The following PPP2R5C variants were observed in gnomAD, a reference collection of about 807,000 sequenced individuals.
PPP2R5C encodes the protein serine/threonine-protein phosphatase 2A 56 kDa regulatory subunit gamma isoform.
Under a neutral mutation model 68.9 loss-of-function variants are expected in PPP2R5C, and 7 were observed. That is an observed-to-expected ratio of 0.10 (90% CI 0.06 to 0.19). The LOEUF is 0.19. Among genes scored for constraint, PPP2R5C ranks in the 10% least tolerant of loss-of-function variants. PPP2R5C has a pLI of 1.00. For synonymous variants in PPP2R5C, 210 were observed against 222.2 expected, an observed-to-expected ratio of 0.95 and a Z score of 0.49; for missense variants, 348 against 641.3, an observed-to-expected ratio of 0.54 and a Z score of 4.94.
At position 101,764,001 on chromosome 14, in the gene PPP2R5C, CATT is replaced by C. The variant is rs564897016; in HGVS notation, c.93+1032_93+1034del. ...AGTTTTGGTATTTTATTATTGTTCACATTGTGTGTGTGTGTGTGTGTGTGTGTG... is the reference window on the plus strand; with the variant it reads ...AGTTTTGGTATTTTATTATTGTTCACGTGTGTGTGTGTGTGTGTGTGTGTG... On this transcript the variant is annotated intron_variant, in intron 2 of 14. Coordinates refer to the PPP2R5C transcript ENST00000328724. Among the ~76,000 whole-genome samples, 195 of 145,172 alleles carry C rather than the reference CATT, an allele frequency of 1.3e-3. 1 individual carries two copies. Among genetic ancestry groups the C allele is most frequent in the Non-Finnish European group, 2.0e-3 (135 of 66,410 alleles).
At chr14:101,767,780 G>C (rs2036934434) in intron 2 of PPP2R5C, among the ~76,000 whole-genome samples, 1 of 152,174 alleles carries the variant, frequency 6.6e-6, no homozygotes, top group African/African-American at 2.4e-5. Flanking sequence ...AGGTTCTGCG[G>C]GGAGGATCCA....
At chr14:101,784,516 G>A (rs982422484) in intron 2 of PPP2R5C, among the ~76,000 whole-genome samples, 1 of 149,528 alleles carries the variant, frequency 6.7e-6, no homozygotes, top group Non-Finnish European at 1.5e-5. Flanking sequence ...AAAGTGGGGG[G>A]GGGGAACTGC....
chr14:101,892,944 T>C (rs919067344), intron 6 of PPP2R5C, 56 bp from the exon 9 acceptor site: 1 of 1,312,922 alleles, frequency 7.6e-7, no homozygotes, highest in East Asian at 2.4e-5. Context: ...GGCAAGATAT[T>C]TGTTTAAAAC....
chr14:101,828,062 T>C (rs1209230534), intron 1 of PPP2R5C, among the ~76,000 whole-genome samples: 1 of 152,216 alleles, frequency 6.6e-6, no homozygotes, highest in Non-Finnish European at 1.5e-5. Context: ...ACTCTACAAT[T>C]TCAGTTTAGA....
At chr14:101,869,969 C>A (rs891614560) in intron 2 of PPP2R5C, among the ~76,000 whole-genome samples, 4 of 150,176 alleles carry the variant, frequency 2.7e-5, no homozygotes, top group Admixed American at 2.0e-4. Context: ...TTTTTCCCTG[C>A]GCTTTTTGTC....
chr14:101,882,144 G>A lies in PPP2R5C; in HGVS notation c.295-17G>A, dbSNP rs2140893736. On this transcript the variant is annotated splice_polypyrimidine_tract_variant and intron_variant, in intron 2 of 13. Transcript: ENST00000334743. The surrounding 1 kb of genome is among the most constrained non-coding windows in gnomAD (Gnocchi z 4.9). Reference sequence around the variant, plus strand: ...TTTAAATGCCCTGATTGTAATTATAGAATATGTGGATTTTAGTTTGCAGTT... The same window carrying A: ...TTTAAATGCCCTGATTGTAATTATAAAATATGTGGATTTTAGTTTGCAGTT... The A allele has an allele frequency of 6.5e-7, 1 of 1,547,804 alleles. No homozygotes were observed. Among genetic ancestry groups the A allele is most frequent in the East Asian group, 2.3e-5 (1 of 44,094 alleles).
At chr14:101,842,873 C>T (rs971685645) in intron 1 of PPP2R5C, among the ~76,000 whole-genome samples, 1 of 150,294 alleles carries the variant, frequency 6.7e-6, no homozygotes, top group African/African-American at 2.5e-5. Flanking sequence ...ATCATACTTA[C>T]TTAAAACCAT....
chr14:101,811,458 A>G (rs1203309596), intron 1 of PPP2R5C, among the ~76,000 whole-genome samples: 1 of 152,064 alleles, frequency 6.6e-6, no homozygotes, highest in East Asian at 1.9e-4. Context: ...CTCCCACCTC[A>G]GTTTCTTGAG....
intron 2 of PPP2R5C, chr14:101,767,194 A>G (rs2036903850): frequency 6.6e-6 from 1 of 152,120 alleles, no homozygotes; most frequent in Non-Finnish European, 1.5e-5. Context: ...TCCTGTTATA[A>G]TCTGTCCCTT....
chr14:101,830,087 C>T (rs1253190189), intron 1 of PPP2R5C, among the ~76,000 whole-genome samples: 1 of 152,094 alleles, frequency 6.6e-6, no homozygotes, highest in Non-Finnish European at 1.5e-5. Flanking sequence ...TGTACAATAC[C>T]ATTTTGTAAA....
chr14:101,778,426 G>T (rs567898314), intron 2 of PPP2R5C, among the ~76,000 whole-genome samples: 31 of 152,188 alleles, frequency 2.0e-4, no homozygotes, highest in Admixed American at 8.5e-4. Context: ...TGGTTTATCT[G>T]TTTTCTTTTT....
intron 1 of PPP2R5C, chr14:101,818,445 G>A (rs936267376): frequency 6.5e-5 from 10 of 153,820 alleles, no homozygotes; most frequent in African/African-American, 2.4e-4. Flanking sequence ...AGACCAGCCT[G>A]GCCAACATGG....
chr14:101,861,588 A>G (rs930038904), intron 2 of PPP2R5C, among the ~76,000 whole-genome samples: 1 of 152,200 alleles, frequency 6.6e-6, no homozygotes, highest in African/African-American at 2.4e-5. Flanking sequence ...AAGCAATAGA[A>G]TAGATTAATT....
intron 1 of PPP2R5C, among the ~76,000 whole-genome samples, chr14:101,849,792 C>T (rs991867450): frequency 1.4e-5 from 2 of 145,910 alleles, no homozygotes; most frequent in Non-Finnish European, 3.0e-5. Flanking sequence ...CCGACTTTTC[C>T]TCACTCCTCT....
intron 1 of PPP2R5C, among the ~76,000 whole-genome samples, chr14:101,826,052 C>T (rs989333225): frequency 2.0e-5 from 3 of 152,136 alleles, no homozygotes; most frequent in Non-Finnish European, 4.4e-5. Context: ...GAGAACCAAG[C>T]CTTTATCATA....
chr14:101,778,559 C>T (rs1338841900), intron 2 of PPP2R5C, among the ~76,000 whole-genome samples: 1 of 152,114 alleles, frequency 6.6e-6, no homozygotes, highest in Non-Finnish European at 1.5e-5. Flanking sequence ...GTTTGTGATT[C>T]ATGTTGAAAT....
intron 1 of PPP2R5C, among the ~76,000 whole-genome samples, chr14:101,851,202 C>T (rs1011873426): frequency 6.6e-6 from 1 of 152,144 alleles, no homozygotes; most frequent in Non-Finnish European, 1.5e-5. Flanking sequence ...GAGGCTGAGG[C>T]AGGAGGATCA....
At chr14:101,787,265 T>G (rs1243311737) in intron 3 of PPP2R5C, among the ~76,000 whole-genome samples, 1 of 151,940 alleles carries the variant, frequency 6.6e-6, no homozygotes, top group Admixed American at 6.5e-5. Context: ...AAAAGAAAAG[T>G]AAATATGAAC....
intron 1 of PPP2R5C, among the ~76,000 whole-genome samples, chr14:101,842,550 G>GTA (rs2041544589): frequency 1.3e-5 from 2 of 152,260 alleles, no homozygotes; most frequent in South Asian, 2.1e-4. Context: ...AGGCATGAGG[G>GTA]TACTGTACTG....
Sources: gnomAD v4.1 joint callset for allele counts (sites outside exome capture counted in the v4.1 genomes callset) on GRCh38, gnomAD v4.1.1 for gene constraint, Gnocchi (gnomAD v3.1) non-coding constraint, MANE v1.5 for transcripts, NCBI Gene and HGNC (gene_info 2026-07-23, HGNC 2026-07-21) for gene names.